Variants in HDAC9 observed in about 807,000 individuals in gnomAD.
HDAC9 encodes the protein MEF-2 interacting transcription repressor (MITR) protein.
In HDAC9, 41 loss-of-function variants were observed where a neutral mutation model predicts 139.4. The observed-to-expected ratio is 0.29, with a 90% CI of 0.23 to 0.38. The LOEUF is 0.38. Among genes scored for constraint, HDAC9 ranks in the 10% least tolerant of loss-of-function variants. The pLI, the probability that HDAC9 is intolerant of heterozygous loss-of-function variation, is 1.00. For synonymous variants in HDAC9, 517 were observed against 476.2 expected (o/e 1.09, Z -1.12); for missense variants, 1,147 against 1,297.0 (o/e 0.88, Z 1.78).
At chr7:18,096,111 A>G (rs893314875) in intron 1 of HDAC9, among the ~76,000 whole-genome samples, 1 of 152,210 alleles carries the variant, frequency 6.6e-6, no homozygotes, top group Non-Finnish European at 1.5e-5. Flanking sequence ...TTGTGGAGTC[A>G]TCGAATTCTA....
intron 16 of HDAC9, among the ~76,000 whole-genome samples, chr7:18,768,097 A>G (rs1011577302): frequency 6.6e-6 from 1 of 152,182 alleles, no homozygotes; most frequent in African/African-American, 2.4e-5. Flanking sequence ...GGAAAACAGA[A>G]TGGTAGCTAT....
intron 13 of HDAC9, among the ~76,000 whole-genome samples, chr7:18,729,237 C>G (rs1459208766): frequency 3.3e-5 from 5 of 151,916 alleles, no homozygotes; most frequent in African/African-American, 7.2e-5. Context: ...GAGTAACAAC[C>G]ATTCTATCAA....
At chr7:18,607,562 A>C (rs1479645278) in intron 6 of HDAC9, among the ~76,000 whole-genome samples, 1 of 152,224 alleles carries the variant, frequency 6.6e-6, no homozygotes, top group African/African-American at 2.4e-5. Flanking sequence ...TAAGAATAAT[A>C]GTATGGCATT....
intron 2 of HDAC9, among the ~76,000 whole-genome samples, chr7:18,220,927 T>C (rs1792655283): frequency 6.6e-6 from 1 of 152,188 alleles, no homozygotes; most frequent in African/African-American, 2.4e-5. Flanking sequence ...TGTTCTCTTA[T>C]GAATATGTTG....
chr7:18,769,554 ATGTG>A (rs67450024), intron 16 of HDAC9, among the ~76,000 whole-genome samples: 4 of 151,138 alleles, frequency 2.6e-5, no homozygotes, highest in South Asian at 2.1e-4. Context: ...GTGGGTGTGA[ATGTG>A]TGTGTGTGTG....
intron 1 of HDAC9, among the ~76,000 whole-genome samples, chr7:18,341,564 G>T (rs1020487114): frequency 1.3e-5 from 2 of 151,556 alleles, no homozygotes; most frequent in African/African-American, 4.8e-5. Flanking sequence ...ACAGGTTATA[G>T]TTTCATCTCT....
chr7:18,559,445 A>G (rs1316227175), intron 2 of HDAC9, among the ~76,000 whole-genome samples: 1 of 152,158 alleles, frequency 6.6e-6, no homozygotes, highest in Non-Finnish European at 1.5e-5. Context: ...ATCTCTCTAA[A>G]TGAATTCTCT....
At chr7:18,412,607 T>G (rs1788675337) in intron 1 of HDAC9, among the ~76,000 whole-genome samples, 1 of 152,232 alleles carries the variant, frequency 6.6e-6, no homozygotes, top group Non-Finnish European at 1.5e-5. Flanking sequence ...AGTAACTTGC[T>G]GGCCGTTGCA....
intron 1 of HDAC9, among the ~76,000 whole-genome samples, chr7:18,396,432 A>G (rs184369523): frequency 7.9e-5 from 12 of 152,144 alleles, no homozygotes; most frequent in South Asian, 2.1e-4. Context: ...AGCACAGGAT[A>G]TATAGTTAGT....
intron 16 of HDAC9, among the ~76,000 whole-genome samples, chr7:18,783,874 T>C (rs781116235): frequency 2.0e-5 from 3 of 152,062 alleles, no homozygotes; most frequent in Non-Finnish European, 2.9e-5. Context: ...TATTTAGGGC[T>C]ACTAATAAAT....
intron 13 of HDAC9, among the ~76,000 whole-genome samples, chr7:18,736,773 C>A (rs548102991): frequency 1.3e-5 from 2 of 152,288 alleles, no homozygotes; most frequent in South Asian, 4.1e-4. Context: ...AGAATTCCCT[C>A]TTTTTCTATT....
intron 6 of HDAC9, among the ~76,000 whole-genome samples, chr7:18,619,485 G>C (rs1403971232): frequency 3.9e-5 from 6 of 152,178 alleles, no homozygotes; most frequent in Non-Finnish European, 8.8e-5. Flanking sequence ...TCAAGGGCTG[G>C]AGCCATATTG....
intron 22 of HDAC9, among the ~76,000 whole-genome samples, chr7:18,891,179 T>G (rs1800649591): frequency 6.6e-6 from 1 of 152,242 alleles, no homozygotes; most frequent in Non-Finnish European, 1.5e-5. Flanking sequence ...CCCACAGCAC[T>G]TTCCTTATGC....
chr7:18,583,153 A>G (rs1828345199), intron 2 of HDAC9, among the ~76,000 whole-genome samples: 1 of 152,072 alleles, frequency 6.6e-6, no homozygotes, highest in African/African-American at 2.4e-5. Flanking sequence ...TTAGCTACTT[A>G]CTATTGATGG....
chr7:18,960,368 TCTC>T (rs774557889), intron 24 of HDAC9, among the ~76,000 whole-genome samples: 1 of 152,092 alleles, frequency 6.6e-6, no homozygotes, highest in Non-Finnish European at 1.5e-5. Context: ...ATGTCTTGCT[TCTC>T]CTCCTCTTCC....
At chr7:18,541,377 A>G (rs907355730) in intron 2 of HDAC9, among the ~76,000 whole-genome samples, 1 of 150,918 alleles carries the variant, frequency 6.6e-6, no homozygotes, top group Non-Finnish European at 1.5e-5. Flanking sequence ...TCTTGAAGAA[A>G]CTCTTTGAAT....
At chr7:18,282,557 T>C (rs989585095) in intron 2 of HDAC9, among the ~76,000 whole-genome samples, 1 of 152,160 alleles carries the variant, frequency 6.6e-6, no homozygotes, top group African/African-American at 2.4e-5. Flanking sequence ...ATATTTGCAC[T>C]GAGGGAAAGT....
At chr7:18,870,662 T>A (rs1214077751) in intron 21 of HDAC9, among the ~76,000 whole-genome samples, 2 of 152,176 alleles carry the variant, frequency 1.3e-5, no homozygotes, top group Non-Finnish European at 2.9e-5. Flanking sequence ...ATCTTATTTA[T>A]TATCATTATT....
At chr7:18,303,769 C>G (rs113461197) in intron 1 of HDAC9, among the ~76,000 whole-genome samples, 28 of 152,234 alleles carry the variant, frequency 1.8e-4, no homozygotes, top group African/African-American at 6.5e-4. Flanking sequence ...CAATTTGTGT[C>G]ACTTCTGGAT....
Sources: allele counts gnomAD v4.1 joint callset (sites outside exome capture counted in the v4.1 genomes callset), GRCh38; gene constraint gnomAD v4.1.1; transcripts MANE v1.5; gene names NCBI Gene and HGNC (gene_info 2026-07-23, HGNC 2026-07-21).